ZFAT: variants seen among roughly 807,000 people sequenced by gnomAD.
ZFAT encodes zinc finger and AT-hook domain containing, also known as zinc finger protein ZFAT.
ZFAT carries 64 observed loss-of-function variants against 117.7 expected under a neutral mutation model. That is an observed-to-expected ratio of 0.54 (90% CI 0.44 to 0.67). ZFAT has a LOEUF of 0.67. Among genes scored for constraint, ZFAT ranks in the 30% least tolerant of loss-of-function variants. The pLI is 0.00. For synonymous variants in ZFAT, 679 were observed against 615.0 expected (o/e 1.10, Z -1.54); for missense variants, 1,433 against 1,584.5 (o/e 0.90, Z 1.62).
intron 11 of ZFAT, among the ~76,000 whole-genome samples, chr8:134,562,949 G>C (rs1409960943): frequency 6.6e-6 from 1 of 152,176 alleles, no homozygotes; most frequent in South Asian, 2.1e-4. Context: ...ACCAAGGAAT[G>C]ATTGAAAAGT....
intron 3 of ZFAT, among the ~76,000 whole-genome samples, chr8:134,633,652 G>A (rs937428862): frequency 2.6e-5 from 4 of 152,192 alleles, no homozygotes; most frequent in African/African-American, 4.8e-5. Context: ...AGCCCACCTC[G>A]CTCACAACCA....
chr8:134,751,966 A>T, the ZFAT span, among the ~76,000 whole-genome samples: 1 of 152,194 alleles, frequency 6.6e-6, no homozygotes, highest in East Asian at 1.9e-4. Flanking sequence ...TAGACTTAGT[A>T]CATGTTTGTT....
At chr8:134,769,367 T>C in the ZFAT span, among the ~76,000 whole-genome samples, 1 of 152,216 alleles carries the variant, frequency 6.6e-6, no homozygotes, top group African/African-American at 2.4e-5. Context: ...ACAGGCCCCA[T>C]GCAAGTCTGA....
intron 15 of ZFAT, among the ~76,000 whole-genome samples, chr8:134,498,784 G>A (rs1294767634): frequency 8.4e-5 from 3 of 35,632 alleles, no homozygotes. Flanking sequence ...AGCCTGATTT[G>A]GTAGGGTCGG....
the ZFAT span, among the ~76,000 whole-genome samples, chr8:134,786,818 T>C: frequency 2.0e-5 from 3 of 151,766 alleles, no homozygotes; most frequent in Non-Finnish European, 4.4e-5. Context: ...TTTTCATGCC[T>C]TATTTCTTTC....
the ZFAT span, chr8:134,722,912 T>A: frequency 3.9e-5 from 6 of 152,242 alleles, no homozygotes; most frequent in South Asian, 1.0e-3. Context: ...TAATCCAACA[T>A]GGCCAGGGTC....
At chr8:134,607,651 T>C (rs1258788886) in intron 5 of ZFAT, among the ~76,000 whole-genome samples, 1 of 152,234 alleles carries the variant, frequency 6.6e-6, no homozygotes, top group Non-Finnish European at 1.5e-5. Flanking sequence ...CTAGGTCTAT[T>C]TCATTCTGAA....
chr8:134,749,362 C>G, the ZFAT span, among the ~76,000 whole-genome samples: 1 of 152,168 alleles, frequency 6.6e-6, no homozygotes, highest in Non-Finnish European at 1.5e-5. Context: ...GCTCATGGTT[C>G]TGAAGGCTGG....
intron 15 of ZFAT, among the ~76,000 whole-genome samples, chr8:134,479,432 C>T (rs894643507): frequency 1.3e-5 from 2 of 152,218 alleles, no homozygotes; most frequent in Admixed American, 6.5e-5. Context: ...CTGCCAGATT[C>T]CAGGCAAGAC....
At chr8:134,663,305 T>C (rs753759096) in intron 1 of ZFAT, among the ~76,000 whole-genome samples, 1 of 152,210 alleles carries the variant, frequency 6.6e-6, no homozygotes, top group Non-Finnish European at 1.5e-5. Context: ...GAAACGCTCC[T>C]AATGAACACT....
At chr8:134,801,534 G>A in the ZFAT span, among the ~76,000 whole-genome samples, 2 of 151,880 alleles carry the variant, frequency 1.3e-5, no homozygotes, top group Non-Finnish European at 2.9e-5. Context: ...TTGTCCCTTC[G>A]GGCTGTTTTC....
In ZFAT at chr8:134,482,999, T is replaced by A. The variant is rs185694658; in HGVS notation, c.3493-4278A>T. ...CACAGATGTCCACGTCACAAAAAGC[T>A]AACGTGTAGAGAGGACGAAGGAGGG... On this transcript the variant is annotated intron_variant, in intron 15 of 15. Transcript: ENST00000377838. 1.6e-4 allele frequency among the ~76,000 whole-genome samples: 25 copies of A among 152,274 alleles called. No homozygotes were observed. In the East Asian group the frequency reaches 4.4e-3, roughly 27 times the overall value.
the ZFAT span, among the ~76,000 whole-genome samples, chr8:134,770,273 A>T: frequency 6.6e-6 from 1 of 152,254 alleles, no homozygotes; most frequent in Non-Finnish European, 1.5e-5. Flanking sequence ...TGTTGCGGGA[A>T]GTCAGGGACC....
the ZFAT span, among the ~76,000 whole-genome samples, chr8:134,756,839 C>T: frequency 1.7e-4 from 26 of 152,298 alleles, no homozygotes; most frequent in African/African-American, 4.1e-4. Context: ...AGCGCAGTTG[C>T]TGTGCAAGCT....
At chr8:134,832,117 C>G in the ZFAT span, among the ~76,000 whole-genome samples, 1 of 149,524 alleles carries the variant, frequency 6.7e-6, no homozygotes, top group African/African-American at 2.4e-5. Context: ...GACGCGCCAG[C>G]GCCAGGGTGA....
chr8:134,505,540 G>C (rs1819337118), intron 15 of ZFAT, among the ~76,000 whole-genome samples: 1 of 152,164 alleles, frequency 6.6e-6, no homozygotes, highest in Non-Finnish European at 1.5e-5. Context: ...TGGATTATCT[G>C]GGTGGGTCCA....
intron 11 of ZFAT, among the ~76,000 whole-genome samples, chr8:134,550,985 G>A (rs1823124798): frequency 6.6e-6 from 1 of 152,092 alleles, no homozygotes; most frequent in Non-Finnish European, 1.5e-5. Context: ...TCTGCCCCTT[G>A]GTTCAGTAGT....
chr8:134,503,308 T>C (rs1342662172), intron 15 of ZFAT, among the ~76,000 whole-genome samples: 2 of 152,206 alleles, frequency 1.3e-5, no homozygotes, highest in East Asian at 3.9e-4. Context: ...TCAGCTGTGA[T>C]AGAAATACGG....
At chr8:134,514,531 C>T (rs1371556506) in intron 13 of ZFAT, among the ~76,000 whole-genome samples, 2 of 152,132 alleles carry the variant, frequency 1.3e-5, no homozygotes, top group Non-Finnish European at 2.9e-5. Flanking sequence ...CAGGCCTCAG[C>T]ATTTTACAAA....
Sources: allele counts gnomAD v4.1 joint callset (sites outside exome capture counted in the v4.1 genomes callset), GRCh38; gene constraint gnomAD v4.1.1; transcripts MANE v1.5; gene names NCBI Gene and HGNC (gene_info 2026-07-23, HGNC 2026-07-21).